Variants in NEGR1 observed in about 807,000 individuals in gnomAD.
The protein encoded by NEGR1 is neuronal growth regulator 1.
A neutral mutation model predicts 40.9 loss-of-function variants in NEGR1; 10 were observed. The observed-to-expected ratio is 0.24, with a 90% CI of 0.15 to 0.42. The LOEUF (loss-of-function observed/expected upper bound fraction) is 0.42. NEGR1 is among the 10% of genes least tolerant of loss of function. The pLI is 1.00. For missense variants in NEGR1, 352 were observed against 438.9 expected, an observed-to-expected ratio of 0.80 and a Z score of 1.77; for synonymous variants, 185 against 166.8, an observed-to-expected ratio of 1.11 and a Z score of -0.84.
chr1:71,662,623 T>C (rs1312547437), intron 4 of NEGR1, among the ~76,000 whole-genome samples: 1 of 151,914 alleles, frequency 6.6e-6, no homozygotes. Flanking sequence ...TTAAAGTACT[T>C]TGCATACAGA....
intron 1 of NEGR1, among the ~76,000 whole-genome samples, chr1:72,058,056 T>C (rs1647128363): frequency 6.6e-6 from 1 of 151,474 alleles, no homozygotes; most frequent in Non-Finnish European, 1.5e-5. Context: ...ACTGACTTAG[T>C]TGGGAAACAT....
chr1:71,519,660 C>T (rs1222718081), intron 6 of NEGR1, among the ~76,000 whole-genome samples: 35 of 128,364 alleles, frequency 2.7e-4, no homozygotes, highest in Non-Finnish European at 5.2e-4. Flanking sequence ...AGCGCACCAG[C>T]ATGGCACATG....
At position 71,429,941 on chromosome 1, in the gene NEGR1, T is replaced by C. The variant is rs78547175; in HGVS notation, c.941-22371A>G. On this transcript the variant is annotated intron_variant, in intron 6 of 6. Transcript: ENST00000357731. The stretch of plus-strand genomic sequence containing the variant: ...TAATTTACACTTATTATTCAACAAA[T>C]GTGTTGACTGCCTACTATGTTCAAG... Among the ~76,000 whole-genome samples the C allele has an allele frequency of 4.0e-3, 612 of 152,310 alleles. 2 individuals carry two copies. Among genetic ancestry groups the C allele is most frequent in the Non-Finnish European group, 5.4e-3 (369 of 68,026 alleles).
intron 1 of NEGR1, among the ~76,000 whole-genome samples, chr1:72,004,248 T>C (rs1368045235): frequency 3.3e-5 from 5 of 152,122 alleles, no homozygotes; most frequent in Admixed American, 3.3e-4. Flanking sequence ...CATGCATAGG[T>C]ATTTATATAT....
At chr1:72,257,459 G>A (rs1030899951) in intron 1 of NEGR1, among the ~76,000 whole-genome samples, 3 of 151,800 alleles carry the variant, frequency 2.0e-5, no homozygotes. Context: ...AAAAATGGTA[G>A]CTTATTATTG....
At chr1:72,041,578 T>A (rs1646954553) in intron 1 of NEGR1, among the ~76,000 whole-genome samples, 1 of 151,016 alleles carries the variant, frequency 6.6e-6, no homozygotes, top group South Asian at 2.1e-4. Flanking sequence ...GTCACCTATG[T>A]GGTAGTACTT....
intron 1 of NEGR1, among the ~76,000 whole-genome samples, chr1:72,219,711 A>G (rs779139317): frequency 2.6e-5 from 4 of 152,090 alleles, no homozygotes; most frequent in Non-Finnish European, 4.4e-5. Flanking sequence ...ACATATAGCC[A>G]CAATATTATC....
At chr1:72,268,364 C>T (rs946865888) in intron 1 of NEGR1, among the ~76,000 whole-genome samples, 1 of 151,382 alleles carries the variant, frequency 6.6e-6, no homozygotes, top group African/African-American at 2.4e-5. Flanking sequence ...AAAACTGAGT[C>T]TCAGAAAAAC....
chr1:72,247,691 C>T (rs1654946132), intron 1 of NEGR1, among the ~76,000 whole-genome samples: 1 of 152,186 alleles, frequency 6.6e-6, no homozygotes, highest in African/African-American at 2.4e-5. Context: ...TTCCCTTCTT[C>T]CTGTCTTCTT....
chr1:72,002,117 T>G (rs1457690007), intron 1 of NEGR1, among the ~76,000 whole-genome samples: 1 of 152,138 alleles, frequency 6.6e-6, no homozygotes, highest in African/African-American at 2.4e-5. Context: ...TGTTTTTTGA[T>G]TATATGTGAA....
chr1:71,575,821 A>AAAAAC (rs1648949889), intron 6 of NEGR1, among the ~76,000 whole-genome samples: 1 of 148,106 alleles, frequency 6.8e-6, no homozygotes, highest in Non-Finnish European at 1.5e-5. Flanking sequence ...AAACAAAAAC[A>AAAAAC]AAAAACAAAA....
In NEGR1 at chr1:71,405,718, C is replaced by T. The variant is rs1646274101; in HGVS notation, c.*1728G>A. The stretch of plus-strand genomic sequence containing the variant: ...AAAAAAATCACAGTTTTTAAGCCAT[C>T]CCTGCTAGGGCAACATACTAGATAT... On this transcript the variant is annotated 3_prime_UTR_variant, in exon 7 of 7. Transcript: ENST00000357731. 6.6e-6 allele frequency: 1 copy of T among 151,334 alleles called. No homozygotes were observed. Among genetic ancestry groups the T allele is most frequent in the Non-Finnish European group, 1.5e-5 (1 of 67,594 alleles). The allele number at this position is 151,334 out of a possible 1,614,324, so 9.4% of individuals were successfully genotyped here. A position where few individuals can be genotyped will look rare whatever the true frequency, so the allele number is the denominator to read the frequency against.
At chr1:72,121,433 T>G (rs972256586) in intron 1 of NEGR1, among the ~76,000 whole-genome samples, 5 of 151,956 alleles carry the variant, frequency 3.3e-5, no homozygotes, top group Non-Finnish European at 7.4e-5. Flanking sequence ...TACTTTTCTA[T>G]CTATGAGAAG....
At chr1:71,846,738 G>A (rs371913399) in intron 2 of NEGR1, among the ~76,000 whole-genome samples, 4 of 152,086 alleles carry the variant, frequency 2.6e-5, no homozygotes, top group Non-Finnish European at 4.4e-5. Context: ...CTCTGTGCCC[G>A]GTGAGGGCCT....
Position 72,274,126 on chromosome 1 carries a change from C to T in NEGR1, c.176+8193G>A, listed in dbSNP as rs1391310610. ...ATTGCAGCTTGGTCCACTGAAGAAG[C>T]CATGCCTGAGATACAAAAGATGTGC... On this transcript the variant is annotated intron_variant, in intron 1 of 6. Coordinates refer to ENST00000357731, the MANE Select transcript of NEGR1 (RefSeq NM_173808.3). Among the ~76,000 whole-genome samples, 9 of 151,912 alleles carry T rather than the reference C, an allele frequency of 5.9e-5. No individual in the cohort carries two copies. In the South Asian group the frequency reaches 6.2e-4, roughly 11 times the overall value.
chr1:72,087,995 G>T (rs2100539096), intron 1 of NEGR1, among the ~76,000 whole-genome samples: 1 of 152,036 alleles, frequency 6.6e-6, no homozygotes, highest in African/African-American at 2.4e-5. Context: ...AAATATTAGG[G>T]GATTCTCAAA....
chr1:71,937,130 G>T (rs547173668), intron 1 of NEGR1, among the ~76,000 whole-genome samples: 12 of 152,230 alleles, frequency 7.9e-5, no homozygotes, highest in Admixed American at 5.9e-4. Flanking sequence ...AAGGAACAAG[G>T]TACATTGCAG....
intron 6 of NEGR1, among the ~76,000 whole-genome samples, chr1:71,456,578 T>C (rs982813046): frequency 2.6e-5 from 4 of 152,188 alleles, no homozygotes; most frequent in African/African-American, 9.7e-5. Flanking sequence ...TTTAATCATT[T>C]TTTTCTTCCC....
At chr1:71,867,010 A>G (rs916028069) in intron 2 of NEGR1, among the ~76,000 whole-genome samples, 4 of 152,212 alleles carry the variant, frequency 2.6e-5, no homozygotes, top group African/African-American at 7.2e-5. Flanking sequence ...ATTATCATAT[A>G]AGTACGAATA....
Sources: allele counts gnomAD v4.1 joint callset (sites outside exome capture counted in the v4.1 genomes callset), GRCh38; gene constraint gnomAD v4.1.1; transcripts MANE v1.5; gene names NCBI Gene and HGNC (gene_info 2026-07-23, HGNC 2026-07-21).